The following TAX1BP1 variants were observed in gnomAD, a reference collection of about 807,000 sequenced individuals.
TAX1BP1 encodes Tax1 binding protein 1.
A neutral mutation model predicts 97.7 loss-of-function variants in TAX1BP1; 62 were observed. The ratio of observed to expected loss-of-function variants is 0.63; its 90% CI spans 0.52 to 0.78. TAX1BP1 has a LOEUF of 0.78. Among genes scored for constraint, TAX1BP1 ranks in the 30% least tolerant of loss-of-function variants. TAX1BP1 has a pLI of 0.00. For synonymous variants in TAX1BP1, 340 were observed against 304.2 expected, an observed-to-expected ratio of 1.12 and a Z score of -1.23; for missense variants, 867 against 916.1, an observed-to-expected ratio of 0.95 and a Z score of 0.69.
At chr7:27,775,449 C>T (rs1351050523) in intron 5 of TAX1BP1, among the ~76,000 whole-genome samples, 1 of 152,094 alleles carries the variant, frequency 6.6e-6, no homozygotes, top group Non-Finnish European at 1.5e-5. Flanking sequence ...GAACTTAAGT[C>T]AAATGGAGTT....
chr7:27,810,099 A>G (rs552019742), intron 13 of TAX1BP1, among the ~76,000 whole-genome samples: 2 of 151,872 alleles, frequency 1.3e-5, no homozygotes, highest in Non-Finnish European at 2.9e-5. Flanking sequence ...AGTAGAGACA[A>G]GGTTTCACTG....
intron 4 of TAX1BP1, among the ~76,000 whole-genome samples, chr7:27,767,114 T>A (rs1263597671): frequency 2.6e-5 from 4 of 152,138 alleles, no homozygotes; most frequent in African/African-American, 9.7e-5. Context: ...AAGATCACAT[T>A]TTTCAATATC....
chr7:27,744,158 G>T (rs528674691), intron 1 of TAX1BP1, among the ~76,000 whole-genome samples: 1 of 151,486 alleles, frequency 6.6e-6, no homozygotes, highest in Non-Finnish European at 1.5e-5. Context: ...ACGGAGTCTC[G>T]CTGTCACCCA....
chr7:27,751,058 G>A (rs1024912951), intron 2 of TAX1BP1, among the ~76,000 whole-genome samples: 2 of 152,034 alleles, frequency 1.3e-5, no homozygotes, highest in African/African-American at 4.8e-5. Context: ...AGCCATACAG[G>A]GCTCCTGTAT....
intron 7 of TAX1BP1, among the ~76,000 whole-genome samples, chr7:27,786,132 A>ATT (rs34913580): frequency 1.1e-4 from 15 of 140,530 alleles, no homozygotes; most frequent in Non-Finnish European, 1.6e-4. Flanking sequence ...GAAGTTTTGA[A>ATT]TTTTTTTTTT....
intron 3 of TAX1BP1, 27 bp downstream of exon 3, chr7:27,758,160 A>G (rs1251736932): frequency 1.3e-6 from 2 of 1,498,904 alleles, no homozygotes; most frequent in East Asian, 2.3e-5. Flanking sequence ...GCAGAACTCA[A>G]TGAAACTAGA....
At chr7:27,763,840 T>C (rs1788523911) in intron 3 of TAX1BP1, among the ~76,000 whole-genome samples, 1 of 152,216 alleles carries the variant, frequency 6.6e-6, no homozygotes, top group East Asian at 1.9e-4. Flanking sequence ...CAGAGCTGAT[T>C]AATTATGCTA....
intron 1 of TAX1BP1, among the ~76,000 whole-genome samples, chr7:27,746,702 A>G (rs977996625): frequency 1.5e-5 from 2 of 137,398 alleles, no homozygotes; most frequent in Non-Finnish European, 3.3e-5. Flanking sequence ...GTAAAGGGGG[A>G]TTGCTACTGA....
chr7:27,768,922 T>C (rs980646450), intron 4 of TAX1BP1, among the ~76,000 whole-genome samples: 2 of 152,014 alleles, frequency 1.3e-5, no homozygotes, highest in African/African-American at 4.8e-5. Context: ...ATACCACCTT[T>C]GTTAAGTCTT....
At chr7:27,776,265 A>G (rs1406517129) in intron 5 of TAX1BP1, among the ~76,000 whole-genome samples, 1 of 152,162 alleles carries the variant, frequency 6.6e-6, no homozygotes, top group Non-Finnish European at 1.5e-5. Flanking sequence ...ATGCATAGAT[A>G]AAGGTTTCTG....
intron 5 of TAX1BP1, among the ~76,000 whole-genome samples, 170 bp from the exon 6 acceptor site, chr7:27,784,993 T>C (rs1430514831): frequency 6.6e-6 from 1 of 152,098 alleles, no homozygotes; most frequent in Non-Finnish European, 1.5e-5. Context: ...TATATGAAAA[T>C]TTAAATATAT....
intron 8 of TAX1BP1, among the ~76,000 whole-genome samples, chr7:27,790,368 G>A (rs1048979940): frequency 6.6e-6 from 1 of 151,626 alleles, no homozygotes; most frequent in African/African-American, 2.4e-5. Context: ...GCAATATGTA[G>A]GCACATTTAT....
At chr7:27,744,701 A>G (rs1010295406) in intron 1 of TAX1BP1, among the ~76,000 whole-genome samples, 2 of 152,212 alleles carry the variant, frequency 1.3e-5, no homozygotes, top group African/African-American at 2.4e-5. Context: ...TACTACCACA[A>G]AAGTCAAATC....
At chr7:27,791,894 A>G in intron 8 of TAX1BP1, 112 bp from the exon 9 acceptor site, 2 of 932,156 alleles carry the variant, frequency 2.1e-6, no homozygotes, top group South Asian at 1.6e-5. Flanking sequence ...TCATGAGTAG[A>G]AAAACCAATA....
chr7:27,748,495 C>T (rs769902499), intron 1 of TAX1BP1, 23 bp from the exon 2 acceptor site: 5 of 1,527,142 alleles, frequency 3.3e-6, no homozygotes, highest in South Asian at 1.3e-5. Context: ...TATAATTTAA[C>T]TTGTATGAAT....
rs1215544125 is a variant in TAX1BP1 at position 27,771,147 on chromosome 7, TCTCTTG to T, written c.612+1316_612+1321del. On this transcript the variant is annotated intron_variant, in intron 5 of 16. Coordinates refer to ENST00000396319, the MANE Select transcript of TAX1BP1 (RefSeq NM_006024.7). ...TTTTTTTTTACTCATTTGTTGTAAT[TCTCTTG>T]CTGCTTTGTGTAGTTATTACTCTCT... Among the ~76,000 whole-genome samples, 18 of 144,570 alleles carry T rather than the reference TCTCTTG, an allele frequency of 1.2e-4. No individual in the cohort carries two copies. In the Admixed American group the frequency reaches 1.3e-3, roughly 10 times the overall value. 94.8% of individuals were successfully genotyped at this position (144,570 alleles called of 152,430 possible).
At chr7:27,776,457 T>C (rs899091560) in intron 5 of TAX1BP1, among the ~76,000 whole-genome samples, 1 of 152,132 alleles carries the variant, frequency 6.6e-6, no homozygotes, top group East Asian at 1.9e-4. Flanking sequence ...TTTGAGTATT[T>C]TAGAAATGTG....
chr7:27,812,907 T>A (rs1477349843), intron 13 of TAX1BP1, among the ~76,000 whole-genome samples: 1 of 152,188 alleles, frequency 6.6e-6, no homozygotes, highest in Admixed American at 6.5e-5. Flanking sequence ...TATTAGCACA[T>A]GGCCATGCCC....
chr7:27,802,644 C>T (rs1274234851), intron 13 of TAX1BP1, among the ~76,000 whole-genome samples: 2 of 151,990 alleles, frequency 1.3e-5, no homozygotes, highest in Admixed American at 6.6e-5. Flanking sequence ...AACAGAAGTA[C>T]GAAAGTAGGC....
Sources: gnomAD v4.1 joint callset for allele counts (sites outside exome capture counted in the v4.1 genomes callset) on GRCh38, gnomAD v4.1.1 for gene constraint, MANE v1.5 for transcripts, NCBI Gene and HGNC (gene_info 2026-07-23, HGNC 2026-07-21) for gene names.